PALS1: variants seen among roughly 807,000 people sequenced by gnomAD.
PALS1 encodes protein PALS1.
PALS1 carries 31 observed loss-of-function variants against 78.9 expected under a neutral mutation model. The observed-to-expected ratio is 0.39, with a 90% confidence interval of 0.30 to 0.53. PALS1 has a LOEUF of 0.53. Among genes scored for constraint, PALS1 ranks in the 20% least tolerant of loss-of-function variants. The pLI is 0.67. For synonymous variants in PALS1, 276 were observed against 270.9 expected (o/e 1.02, Z -0.18); for missense variants, 704 against 826.5 (o/e 0.85, Z 1.82).
intron 3 of PALS1, among the ~76,000 whole-genome samples, chr14:67,281,677 A>C (rs1056168106): frequency 6.6e-6 from 1 of 152,204 alleles, no homozygotes; most frequent in African/African-American, 2.4e-5. Context: ...TCCATCTGAT[A>C]GGTAATATTC....
chr14:67,290,122 C>CT (rs1555335835), intron 3 of PALS1, among the ~76,000 whole-genome samples: 1 of 151,914 alleles, frequency 6.6e-6, no homozygotes, highest in African/African-American at 2.4e-5. Flanking sequence ...TGTATGTGCT[C>CT]TAAGTTTTTC....
chr14:67,309,145 T>C (rs1267637437), intron 8 of PALS1, among the ~76,000 whole-genome samples: 1 of 152,204 alleles, frequency 6.6e-6, no homozygotes, highest in East Asian at 1.9e-4. Flanking sequence ...GATATTATTA[T>C]AGCATTATGA....
chr14:67,306,885 T>G (rs958031452), intron 8 of PALS1, among the ~76,000 whole-genome samples: 1 of 152,188 alleles, frequency 6.6e-6, no homozygotes, highest in Non-Finnish European at 1.5e-5. Context: ...ATTTATTGAG[T>G]ATCATTATGG....
chr14:67,274,188 GT>G (rs1272866476), intron 2 of PALS1, among the ~76,000 whole-genome samples: 1 of 152,102 alleles, frequency 6.6e-6, no homozygotes, highest in African/African-American at 2.4e-5. Context: ...TAGTCATGAA[GT>G]CCTTGCCCAT....
chr14:67,303,327 T>C (rs1595600109), intron 7 of PALS1, among the ~76,000 whole-genome samples, 195 bp from the exon 8 acceptor site: 1 of 152,256 alleles, frequency 6.6e-6, no homozygotes, highest in South Asian at 2.1e-4. Context: ...GATTCTGTTG[T>C]AAAATCTAGA....
Position 67,279,461 on chromosome 14 carries a change from CG to C in PALS1, c.293del (p.Gly98GlufsTer2). The C allele has an allele frequency of 6.2e-7, 1 of 1,611,750 alleles. No individual in the cohort carries two copies. The highest frequency in any genetic ancestry group is 8.5e-7 in the Non-Finnish European group (1 of 1,179,038). On this transcript the variant is annotated frameshift_variant, in exon 3 of 15. Coordinates refer to ENST00000261681, the MANE Select transcript of PALS1 (RefSeq NM_022474.4). LOFTEE classifies it high-confidence loss of function. ...AACTAGCCCAAATTCCTCCAAAGACCGGAATAGATAACCCTATGTTTGATAC... is the reference window on the plus strand; with the variant it reads ...AACTAGCCCAAATTCCTCCAAAGACCGAATAGATAACCCTATGTTTGATAC... ...KKLAQIPPKT[G>X]IDNPMFDTEE...
intron 1 of PALS1, among the ~76,000 whole-genome samples, chr14:67,251,224 C>G (rs1346966727): frequency 6.6e-6 from 1 of 152,168 alleles, no homozygotes; most frequent in Non-Finnish European, 1.5e-5. Flanking sequence ...CCATTTTCCA[C>G]TTTACCTAGT....
In PALS1 at chr14:67,279,087, T is replaced by A; in HGVS notation, c.-84T>A. 3 of 1,256,504 alleles carry A rather than the reference T, an allele frequency of 2.4e-6. No individual in the cohort carries two copies. The highest frequency in any genetic ancestry group is 1.5e-5 in the African/African-American group (1 of 65,492). The allele number at this position is 1,256,504 out of a possible 1,614,324, so 77.8% of individuals were successfully genotyped here. On this transcript the variant is annotated 5_prime_UTR_variant, in exon 3 of 15. It removes an upstream start codon present in the reference 5' UTR. Coordinates refer to ENST00000261681, the MANE Select transcript of PALS1 (RefSeq NM_022474.4). The stretch of plus-strand genomic sequence containing the variant: ...AGAAGTTTTTTTTTTTGAAGTAACA[T>A]GGATTTTATACTACAGAATCAAGAG...
chr14:67,322,753 A>AT (rs2085280121), intron 13 of PALS1, among the ~76,000 whole-genome samples: 1 of 144,912 alleles, frequency 6.9e-6, no homozygotes, highest in African/African-American at 2.7e-5. Flanking sequence ...GGGCTAACAG[A>AT]TTTTAACAAA....
chr14:67,323,933 G>T (rs966390483), intron 14 of PALS1, 121 bp downstream of exon 14: 6 of 581,756 alleles, frequency 1.0e-5, no homozygotes, highest in Non-Finnish European at 1.8e-5. Context: ...TATTTTTTCT[G>T]TAATATTACT....
chr14:67,303,767 C>CT (rs572557398), intron 8 of PALS1, among the ~76,000 whole-genome samples, 168 bp downstream of exon 8: 233 of 150,982 alleles, frequency 1.5e-3, no homozygotes, highest in Non-Finnish European at 2.4e-3. Context: ...AACTCTGCAC[C>CT]TTTTTTTTTG....
chr14:67,254,327 C>T (rs918343845), intron 1 of PALS1: 2 of 151,764 alleles, frequency 1.3e-5, no homozygotes, highest in Admixed American at 6.6e-5. Flanking sequence ...TTAGCTTAAC[C>T]CTTTTTCCTA....
At chr14:67,280,687 C>T (rs1413058538) in intron 3 of PALS1, among the ~76,000 whole-genome samples, 1 of 152,164 alleles carries the variant, frequency 6.6e-6, no homozygotes, top group Non-Finnish European at 1.5e-5. Flanking sequence ...CAGGCCAGAG[C>T]TGTGGCTACC....
chr14:67,325,689 C>A (rs1311499104), intron 14 of PALS1, among the ~76,000 whole-genome samples: 1 of 152,138 alleles, frequency 6.6e-6, no homozygotes, highest in Non-Finnish European at 1.5e-5. Flanking sequence ...TCCTGTTCAG[C>A]CTAATTTTCC....
At chr14:67,255,021 C>T (rs759230318) in intron 1 of PALS1, among the ~76,000 whole-genome samples, 56 of 152,056 alleles carry the variant, frequency 3.7e-4, no homozygotes, top group African/African-American at 1.3e-3. Flanking sequence ...TGGTGGCGCA[C>T]GCCTGTAGTC....
In PALS1 at chr14:67,279,653, C is replaced by G. The variant is rs1349159299; in HGVS notation, c.367+116C>G. ...ATGTAAGTAATGACAGTTTGAATTC[C>G]AGACCAAGATCCTTTGTTTTCGTGG... is the stretch of plus-strand genomic sequence containing the variant. On this transcript the variant is annotated intron_variant, in intron 3 of 14. Transcript: ENST00000261681. 4 of 1,027,018 alleles carry G rather than the reference C, an allele frequency of 3.9e-6. 1 individual carries two copies. The East Asian group carries it at 1.1e-4, about 27-fold the overall frequency. 63.6% of individuals were successfully genotyped at this position (1,027,018 alleles called of 1,614,324 possible). A position where few individuals can be genotyped will look rare whatever the true frequency, so the allele number is the denominator to read the frequency against.
intron 1 of PALS1, among the ~76,000 whole-genome samples, chr14:67,247,884 C>T (rs116057009): frequency 0.015 from 2,250 of 152,254 alleles, 44 homozygotes; most frequent in African/African-American, 0.05. Flanking sequence ...TGGCTTCTTG[C>T]TCACTTTCTT....
intron 3 of PALS1, among the ~76,000 whole-genome samples, chr14:67,281,235 TTTTC>T (rs2084605564): frequency 6.6e-6 from 1 of 152,110 alleles, no homozygotes; most frequent in South Asian, 2.1e-4. Flanking sequence ...CATCATCTTC[TTTTC>T]TTTGTTATAA....
chr14:67,289,769 C>T (rs4303410), intron 3 of PALS1, among the ~76,000 whole-genome samples: 117,667 of 128,268 alleles, frequency 0.92, 53,596 homozygotes, highest in Non-Finnish European at 0.98. Flanking sequence ...TTTCCATGTC[C>T]TTTTTTTTTT....
Sources: allele counts gnomAD v4.1 joint callset (sites outside exome capture counted in the v4.1 genomes callset), GRCh38; gene constraint gnomAD v4.1.1; transcripts MANE v1.5; gene names NCBI Gene and HGNC (gene_info 2026-07-23, HGNC 2026-07-21).